Variants in FRMD5 observed in about 807,000 individuals in gnomAD.
The protein encoded by FRMD5 is FERM domain containing 5, also known as FERM domain-containing protein 5.
A neutral mutation model predicts 69.0 loss-of-function variants in FRMD5; 20 were observed. The observed-to-expected ratio is 0.29, with a 90% CI of 0.20 to 0.42. The LOEUF (loss-of-function observed/expected upper bound fraction) is 0.42. FRMD5 is among the 10% of genes least tolerant of loss of function. FRMD5 has a pLI of 1.00. For synonymous variants in FRMD5, 271 were observed against 260.1 expected, an observed-to-expected ratio of 1.04 and a Z score of -0.40; for missense variants, 595 against 708.6, an observed-to-expected ratio of 0.84 and a Z score of 1.82.
At chr15:44,102,149 T>C (rs1032648831) in intron 1 of FRMD5, among the ~76,000 whole-genome samples, 5 of 152,226 alleles carry the variant, frequency 3.3e-5, no homozygotes, top group Non-Finnish European at 7.3e-5. Flanking sequence ...CAGATGCAGT[T>C]GATCATGCAC....
At chr15:44,009,627 C>T (rs948022078) in intron 1 of FRMD5, among the ~76,000 whole-genome samples, 2 of 152,010 alleles carry the variant, frequency 1.3e-5, no homozygotes, top group Admixed American at 6.6e-5. Context: ...TGCGGTGAGC[C>T]GTGATTGTGC....
intron 1 of FRMD5, among the ~76,000 whole-genome samples, chr15:44,036,190 A>C (rs1175709941): frequency 6.6e-6 from 1 of 152,196 alleles, no homozygotes; most frequent in Admixed American, 6.5e-5. Flanking sequence ...TGTTTCAGAC[A>C]TAACAACCCT....
chr15:43,925,818 C>T (rs188822703), intron 1 of FRMD5, among the ~76,000 whole-genome samples: 2 of 152,238 alleles, frequency 1.3e-5, no homozygotes, highest in African/African-American at 4.8e-5. Flanking sequence ...TGCAGCCACT[C>T]CTATTTTTTG....
chr15:43,929,074 T>C (rs2140460469), intron 1 of FRMD5, among the ~76,000 whole-genome samples: 1 of 152,308 alleles, frequency 6.6e-6, no homozygotes, highest in South Asian at 2.1e-4. Flanking sequence ...ATTTATTCTC[T>C]CTATATGGTG....
At chr15:44,030,965 C>T (rs1235594359) in intron 1 of FRMD5, among the ~76,000 whole-genome samples, 2 of 58,370 alleles carry the variant, frequency 3.4e-5, no homozygotes, top group Non-Finnish European at 9.5e-5. Flanking sequence ...CAAAAGAGAC[C>T]AGAAAAAGAA....
At chr15:44,111,998 C>T (rs1183542709) in intron 1 of FRMD5, among the ~76,000 whole-genome samples, 1 of 152,062 alleles carries the variant, frequency 6.6e-6, no homozygotes, top group Non-Finnish European at 1.5e-5. Context: ...TGCCCGCCAC[C>T]ACATCCGGCT....
At chr15:44,074,704 T>C (rs1011291691) in intron 1 of FRMD5, among the ~76,000 whole-genome samples, 11 of 152,142 alleles carry the variant, frequency 7.2e-5, no homozygotes, top group African/African-American at 2.4e-4. Flanking sequence ...AGGGATATCA[T>C]TGAGAAGTCC....
chr15:44,196,689 A>ATT (rs374948519), upstream of FRMD5, among the ~76,000 whole-genome samples: 2,797 of 121,012 alleles, frequency 0.023, 131 homozygotes, highest in African/African-American at 0.047. Context: ...ATTTTCCCCA[A>ATT]TTTTTTTTTT....
At chr15:44,174,579 C>T (rs964776226) in intron 1 of FRMD5, among the ~76,000 whole-genome samples, 4 of 152,152 alleles carry the variant, frequency 2.6e-5, no homozygotes, top group Admixed American at 2.6e-4. Context: ...TTAGTCAGTA[C>T]AGCTAACTCA....
At chr15:44,019,206 T>C (rs1186731210) in intron 1 of FRMD5, among the ~76,000 whole-genome samples, 2 of 152,228 alleles carry the variant, frequency 1.3e-5, no homozygotes, top group Admixed American at 6.5e-5. Flanking sequence ...TGTGGGCATA[T>C]ATTTCTAATG....
chr15:43,914,719 C>A, intron 4 of FRMD5, among the ~76,000 whole-genome samples: 1 of 114,626 alleles, frequency 8.7e-6, no homozygotes. Context: ...TATGAGGTGA[C>A]TACCTTTTTT....
chr15:44,138,259 A>C (rs921773989), intron 1 of FRMD5, among the ~76,000 whole-genome samples: 1 of 152,236 alleles, frequency 6.6e-6, no homozygotes, highest in African/African-American at 2.4e-5. Context: ...CCTTAAAATA[A>C]GTATTTAGAA....
intron 1 of FRMD5, among the ~76,000 whole-genome samples, chr15:44,076,394 C>T (rs1242293335): frequency 6.8e-6 from 1 of 147,686 alleles, no homozygotes. Context: ...CAATGATAGA[C>T]TGGATTAAGA....
At chr15:44,051,416 G>A (rs552408562) in intron 1 of FRMD5, among the ~76,000 whole-genome samples, 56 of 150,374 alleles carry the variant, frequency 3.7e-4, no homozygotes, top group African/African-American at 1.4e-3. Context: ...ACAAAAATTA[G>A]CCCAGTTTTA....
In FRMD5 at chr15:44,096,448, G is replaced by T. The variant is rs2076554872; in HGVS notation, c.102+98505C>A. 1.3e-5 allele frequency among the ~76,000 whole-genome samples: 2 copies of T among 149,840 alleles called. 1 individual carries two copies. The highest frequency in any genetic ancestry group is 3.0e-5 in the Non-Finnish European group (2 of 67,680). ...GACAGAGTCTTGCTCTGTTGCCCAGGCTGGAGTACAATGGTGTGATCTTGG... is the reference window on the plus strand; with the variant it reads ...GACAGAGTCTTGCTCTGTTGCCCAGTCTGGAGTACAATGGTGTGATCTTGG... On this transcript the variant is annotated intron_variant, in intron 1 of 13. Transcript: ENST00000417257.
At chr15:44,120,799 A>C (rs1191491931) in intron 1 of FRMD5, among the ~76,000 whole-genome samples, 4 of 151,788 alleles carry the variant, frequency 2.6e-5, no homozygotes, top group Non-Finnish European at 4.4e-5. Context: ...AAGTGCTGGG[A>C]CTACAGGCGT....
chr15:43,965,582 T>C (rs2090280735), intron 1 of FRMD5, among the ~76,000 whole-genome samples: 1 of 148,328 alleles, frequency 6.7e-6, no homozygotes. Flanking sequence ...AAGTCTTTTT[T>C]TTTTTTTTTT....
chr15:43,958,326 G>A (rs1177184189), intron 1 of FRMD5, among the ~76,000 whole-genome samples: 2 of 150,794 alleles, frequency 1.3e-5, no homozygotes, highest in African/African-American at 4.9e-5. Flanking sequence ...GAAAATATAA[G>A]AAAAAACAAT....
chr15:43,970,877 A>G (rs2090365059), intron 1 of FRMD5, among the ~76,000 whole-genome samples: 1 of 152,204 alleles, frequency 6.6e-6, no homozygotes, highest in Non-Finnish European at 1.5e-5. Context: ...GATAAAAGAA[A>G]TGAGAATGTA....
Sources: allele counts gnomAD v4.1 joint callset (sites outside exome capture counted in the v4.1 genomes callset), GRCh38; gene constraint gnomAD v4.1.1; transcripts MANE v1.5; gene names NCBI Gene and HGNC (gene_info 2026-07-23, HGNC 2026-07-21).